The following ALX4 variants were observed in gnomAD, a reference collection of about 807,000 sequenced individuals.
ALX4 encodes the protein ALX homeobox 4, also known as homeobox protein aristaless-like 4.
Under a neutral mutation model 40.6 loss-of-function variants are expected in ALX4, and 22 were observed. The observed-to-expected ratio is 0.54, with a 90% CI of 0.39 to 0.77. The LOEUF (loss-of-function observed/expected upper bound fraction) is 0.77, where lower values mean the gene tolerates loss of function less well. Ranked by LOEUF, ALX4 falls within the 30% of genes least tolerant of loss-of-function variation. The probability of loss-of-function intolerance (pLI) is 0.00; values close to 1 mark genes in which losing one functional copy is unlikely to be tolerated. For missense variants in ALX4, 556 were observed against 564.8 expected (o/e 0.98, Z 0.16); for synonymous variants, 266 against 240.5 (o/e 1.11, Z -0.98).
At chr11:44,298,970 A>G (rs1451014911) in intron 1 of ALX4, among the ~76,000 whole-genome samples, 1 of 152,112 alleles carries the variant, frequency 6.6e-6, no homozygotes, top group Non-Finnish European at 1.5e-5. Flanking sequence ...AGCAACAGAC[A>G]TTTATTGAGC....
intron 1 of ALX4, among the ~76,000 whole-genome samples, chr11:44,280,660 T>C (rs1006176454): frequency 6.6e-6 from 1 of 152,196 alleles, no homozygotes; most frequent in Non-Finnish European, 1.5e-5. Context: ...CCTGACTACT[T>C]AGAGCCATCA....
intron 1 of ALX4, among the ~76,000 whole-genome samples, chr11:44,292,819 C>T (rs1001608042): frequency 1.2e-4 from 18 of 151,908 alleles, no homozygotes; most frequent in Admixed American, 7.9e-4. Flanking sequence ...CTTTTGGCCC[C>T]GCATGGTAGC....
intron 1 of ALX4, among the ~76,000 whole-genome samples, chr11:44,289,758 G>T (rs754463331): frequency 4.6e-5 from 7 of 152,170 alleles, no homozygotes; most frequent in Non-Finnish European, 7.4e-5. Context: ...GGTGGGATGG[G>T]TGTTCCAGCT....
intron 1 of ALX4, among the ~76,000 whole-genome samples, chr11:44,289,987 C>A (rs7938751): frequency 0.67 from 102,082 of 152,016 alleles, 34,526 homozygotes; most frequent in South Asian, 0.88. Flanking sequence ...GGACCAGACC[C>A]TCCCTTCACA....
chr11:44,302,214 C>G (rs900379393), intron 1 of ALX4, among the ~76,000 whole-genome samples: 5 of 152,204 alleles, frequency 3.3e-5, no homozygotes, highest in African/African-American at 4.8e-5. Context: ...GGCTCGCACA[C>G]TGGGGGACAC....
At position 44,264,861 on chromosome 11, in the gene ALX4, G is replaced by T. The variant is rs1956203331; in HGVS notation, c.1229C>A (p.Ala410Asp). 1 of 1,612,814 alleles carries T rather than the reference G, an allele frequency of 6.2e-7. No homozygotes were observed. The highest frequency in any genetic ancestry group is 8.5e-7 in the Non-Finnish European group (1 of 1,179,930). Residue 410 changes from alanine to aspartate, a missense_variant, in exon 4 of 4, where the codon GCC becomes GAC. Ala to Asp is a moderately radical substitution (Grantham distance 126). Transcript: ENST00000652299. The part of the protein sequence containing the change: ...AKEHSAAISW[A>D]T ...CGGGGCAGGGGTGCCCTGTCATGTG[G>T]CCCAGGAAATGGCCGCACTGTGCTC...
intron 1 of ALX4, among the ~76,000 whole-genome samples, chr11:44,293,953 C>T (rs1419992981): frequency 6.6e-6 from 1 of 152,068 alleles, no homozygotes; most frequent in Non-Finnish European, 1.5e-5. Context: ...AGTAGATGGG[C>T]GAAGATGGTG....
rs558403646 is a variant in ALX4 at position 44,261,148 on chromosome 11, C to T, written c.*3706G>A. ...TCCTGGGGGCCAGTTTACCAACCAT[C>T]CTCCCCCAGCTAGGCCTGTTTGCCT... On this transcript the variant is annotated 3_prime_UTR_variant, in exon 4 of 4. Coordinates refer to ENST00000652299, the MANE Select transcript of ALX4 (RefSeq NM_021926.4). The T allele has an allele frequency of 2.0e-5, 3 of 152,298 alleles. No homozygotes were observed. In the East Asian group the frequency reaches 5.8e-4, roughly 29 times the overall value. 9.4% of individuals were successfully genotyped at this position (152,298 alleles called of 1,614,324 possible).
At position 44,310,019 on chromosome 11, in the gene ALX4, G is replaced by T. The variant is rs766486576; in HGVS notation, c.44C>A (p.Ala15Asp). ...TCVSYCESPA[A>D]AMDAYYSPVS... is the part of the protein sequence containing the mutation. Reference sequence around the variant, plus strand: ...CGGGCTGTAGTAGGCGTCCATGGCAGCGGCCGGCGACTCGCAGTAAGAGAC... The same window carrying T: ...CGGGCTGTAGTAGGCGTCCATGGCATCGGCCGGCGACTCGCAGTAAGAGAC... Residue 15 changes from alanine (A) to aspartate (D), a missense_variant, in exon 1 of 4, where the codon GCT becomes GAT. Ala to Asp is a moderately radical substitution (Grantham distance 126). Coordinates refer to ENST00000652299, the MANE Select transcript of ALX4 (RefSeq NM_021926.4). 5.6e-6 allele frequency: 9 copies of T among 1,602,844 alleles called. No individual in the cohort carries two copies. In the East Asian group the frequency reaches 1.3e-4, roughly 24 times the overall value.
At chr11:44,299,895 C>T (rs767765994) in intron 1 of ALX4, among the ~76,000 whole-genome samples, 7 of 152,140 alleles carry the variant, frequency 4.6e-5, no homozygotes, top group Non-Finnish European at 7.3e-5. Flanking sequence ...TAGTACCAAT[C>T]TCATAGGATT....
At position 44,309,922 on chromosome 11, in the gene ALX4, G is replaced by A. The variant is rs772029021; in HGVS notation, c.141C>T (p.Phe47=). Residue 47 remains phenylalanine (F), a synonymous_variant, in exon 1 of 4, where the codon TTC becomes TTT. Transcript: ENST00000652299. Reference sequence around the variant, plus strand: ...CCTGTGCTTTGGCGGCGGCCGACAGGAAAGTTGTGCCGAACTTGTCGCCTC... The same window carrying A: ...CCTGTGCTTTGGCGGCGGCCGACAGAAAAGTTGTGCCGAACTTGTCGCCTC... ...FPGGDKFGTT[F]LSAAAKAQGF... is the part of the protein sequence containing the mutation. 5 of 1,592,366 alleles carry A rather than the reference G, an allele frequency of 3.1e-6. No homozygotes were observed. Among genetic ancestry groups the A allele is most frequent in the Non-Finnish European group, 4.3e-6 (5 of 1,169,212 alleles).
chr11:44,289,556 C>T (rs1053238346), intron 1 of ALX4, among the ~76,000 whole-genome samples: 4 of 152,180 alleles, frequency 2.6e-5, no homozygotes, highest in East Asian at 1.9e-4. Context: ...AGTCCACTGC[C>T]TTTCAAGGTG....
chr11:44,287,550 C>T (rs1956345957), intron 1 of ALX4, among the ~76,000 whole-genome samples: 1 of 150,724 alleles, frequency 6.6e-6, no homozygotes, highest in Non-Finnish European at 1.5e-5. Flanking sequence ...GTCACTTGAC[C>T]CCAGAGTTCC....
intron 1 of ALX4, among the ~76,000 whole-genome samples, chr11:44,285,980 C>T (rs1339664682): frequency 6.6e-6 from 1 of 152,174 alleles, no homozygotes; most frequent in Non-Finnish European, 1.5e-5. Context: ...CCTGTGTGTG[C>T]CTGGGTTGAG....
chr11:44,299,239 G>C (rs1565009508), intron 1 of ALX4, among the ~76,000 whole-genome samples: 1 of 152,122 alleles, frequency 6.6e-6, no homozygotes, highest in Non-Finnish European at 1.5e-5. Context: ...CTGTGCCCAA[G>C]GTCACAGAGT....
chr11:44,299,751 G>A (rs1378542043), intron 1 of ALX4, among the ~76,000 whole-genome samples: 1 of 152,144 alleles, frequency 6.6e-6, no homozygotes. Context: ...GATCATTCTA[G>A]AACAGGATGC....
intron 1 of ALX4, among the ~76,000 whole-genome samples, chr11:44,290,725 T>C (rs1956364225): frequency 6.6e-6 from 1 of 152,224 alleles, no homozygotes; most frequent in Admixed American, 6.5e-5. Context: ...CAAGCCACCT[T>C]GTGGTTCTGC....
chr11:44,309,149 T>TGCTGTCCCGCAGCCCC (rs1956487550), intron 1 of ALX4, among the ~76,000 whole-genome samples: 1 of 70,972 alleles, frequency 1.4e-5, no homozygotes. Context: ...TCTGCAGTCC[T>TGCTGTCCCGCAGCCCC]GCTGTCCCGC....
At chr11:44,275,803 G>A in intron 1 of ALX4, 145 bp from the exon 2 acceptor site, 2 of 748,110 alleles carry the variant, frequency 2.7e-6, no homozygotes, top group Non-Finnish European at 4.2e-6. Flanking sequence ...CGGAGACTTG[G>A]CTTCTAATTC....
Sources: gnomAD v4.1 joint callset for allele counts (sites outside exome capture counted in the v4.1 genomes callset) on GRCh38, gnomAD v4.1.1 for gene constraint, MANE v1.5 for transcripts, NCBI Gene and HGNC (gene_info 2026-07-23, HGNC 2026-07-21) for gene names.